Variants in BCAS1 observed in about 807,000 individuals in gnomAD.
BCAS1 encodes the protein brain enriched myelin associated protein 1.
Under a neutral mutation model 65.4 loss-of-function variants are expected in BCAS1, and 46 were observed. That is an observed-to-expected ratio of 0.70 (90% CI 0.55 to 0.90). BCAS1 has a LOEUF of 0.90. Ranked by LOEUF, BCAS1 falls within the 40% of genes least tolerant of loss-of-function variation. The probability of loss-of-function intolerance (pLI) is 0.00; values close to 1 mark genes in which losing one functional copy is unlikely to be tolerated. For missense variants in BCAS1, 793 were observed against 771.2 expected (o/e 1.03, Z -0.33); for synonymous variants, 298 against 293.5 (o/e 1.02, Z -0.16).
At chr20:54,023,628 C>CGTTTGCACAG (rs1211979226) in intron 4 of BCAS1, among the ~76,000 whole-genome samples, 2 of 152,076 alleles carry the variant, frequency 1.3e-5, no homozygotes, top group Non-Finnish European at 2.9e-5. Flanking sequence ...AGACAGATGG[C>CGTTTGCACAG]GTTTGCACAG....
At position 53,953,343 on chromosome 20, in the gene BCAS1, C is replaced by A. The variant is rs531486354; in HGVS notation, c.1815+89G>T. 10 of 1,504,264 alleles carry A rather than the reference C, an allele frequency of 6.6e-6. No homozygotes were observed. In the East Asian group the frequency reaches 1.4e-4, roughly 20 times the overall value. 93.2% of individuals were successfully genotyped at this position (1,504,264 alleles called of 1,614,324 possible). ...AGACCCGGGATCCCAGTGTGAAGAG[C>A]CACATGTAGAATTTGAAAAACTGAC... On this transcript the variant is annotated intron_variant, in intron 12 of 12. Coordinates refer to ENST00000688948, the MANE Select transcript of BCAS1 (RefSeq NM_001366298.2).
Position 54,015,344 on chromosome 20 carries a change from T to A in BCAS1, c.723+13048A>T, listed in dbSNP as rs997643453. Reference sequence around the variant, plus strand: ...ACCATGCCCAAACTCTTTTTTTTTTTAAGTTTGTTTTACTACAGTGCTCAA... The same window carrying A: ...ACCATGCCCAAACTCTTTTTTTTTTAAAGTTTGTTTTACTACAGTGCTCAA... On this transcript the variant is annotated intron_variant, in intron 4 of 12. Coordinates refer to ENST00000688948, the MANE Select transcript of BCAS1 (RefSeq NM_001366298.2). 1.9e-4 allele frequency among the ~76,000 whole-genome samples: 29 copies of A among 152,182 alleles called. No homozygotes were observed. The Middle Eastern group carries it at 0.01, about 54-fold the overall frequency.
At chr20:53,945,114 A>C in intron 12 of BCAS1, 118 bp from the exon 13 acceptor site, 203 of 873,280 alleles carry the variant, frequency 2.3e-4, no homozygotes, top group East Asian at 3.2e-4. Context: ...AATATATCTC[A>C]TTCCTCAGTG....
At chr20:53,950,128 C>A (rs1480078874) in intron 12 of BCAS1, among the ~76,000 whole-genome samples, 32 of 129,998 alleles carry the variant, frequency 2.5e-4, no homozygotes, top group Non-Finnish European at 8.3e-5. Context: ...AGGATTATGT[C>A]TGCATTCCTT....
At position 54,016,280 on chromosome 20, in the gene BCAS1, A is replaced by G. The variant is rs77070021; in HGVS notation, c.723+12112T>C. 2.9e-3 allele frequency among the ~76,000 whole-genome samples: 449 copies of G among 152,344 alleles called. 2 individuals carry two copies. The highest frequency in any genetic ancestry group is 0.01 in the African/African-American group (430 of 41,570). ...AATACTGGAAATTTTTTAAAGCCCC[A>G]TGCATAAAATATTGATCATGTTCTC... On this transcript the variant is annotated intron_variant, in intron 4 of 12. Transcript: ENST00000688948.
intron 4 of BCAS1, among the ~76,000 whole-genome samples, chr20:53,999,439 G>A (rs369201394): frequency 6.6e-5 from 10 of 152,324 alleles, no homozygotes; most frequent in South Asian, 4.1e-4. Flanking sequence ...GTTGGCAAGC[G>A]TAAGCATTAA....
chr20:54,058,145 A>G lies in BCAS1; in HGVS notation c.82T>C (p.Ser28Pro). Residue 28 changes from serine (S) to proline (P), a missense_variant, in exon 3 of 13, where the codon TCT becomes CCT. Coordinates refer to ENST00000688948, the MANE Select transcript of BCAS1 (RefSeq NM_001366298.2). ...PEAETYQDNA[S>P]ALNGVPVVVS... ...ACCACTGGAACCCCGTTCAGAGCAG[A>G]CGCGTTGTCCTGAAACAGAGCACGT... 6.2e-7 allele frequency: 1 copy of G among 1,614,092 alleles called. No individual in the cohort carries two copies. Among genetic ancestry groups the G allele is most frequent in the Non-Finnish European group, 8.5e-7 (1 of 1,179,986 alleles).
rs560878942 is a variant in BCAS1, at chr20:54,020,042, A to T, written c.723+8350T>A. Among the ~76,000 whole-genome samples, 22 of 152,348 alleles carry T rather than the reference A, an allele frequency of 1.4e-4. No homozygotes were observed. In the South Asian group the frequency reaches 4.6e-3, roughly 32 times the overall value. ...TCCTATTAGTTCTGTCCCTTTGGAG[A>T]ACCCTGACTAATACAACTAACTTTA... On this transcript the variant is annotated intron_variant, in intron 4 of 12. Coordinates refer to ENST00000688948, the MANE Select transcript of BCAS1 (RefSeq NM_001366298.2).
chr20:53,975,399 G>A lies in BCAS1; in HGVS notation c.1307C>T (p.Ala436Val), dbSNP rs377653623. 52 of 1,611,954 alleles carry A rather than the reference G, an allele frequency of 3.2e-5. No homozygotes were observed. In the African/African-American group the frequency reaches 4.0e-4, roughly 12 times the overall value. The change falls in exon 9 of 13, where the codon GCG (alanine) becomes GTG (valine). Residue 436 changes from alanine (A) to valine (V), a missense_variant. Transcript: ENST00000688948. ...SVKEDSVPTG[A>V]EENVVCESPV... ...GTGTGTGTAACTTACATTCTCCTCCGCACCTGTGGGGACTGAGTCCTCTTT... is the reference window on the plus strand; with the variant it reads ...GTGTGTGTAACTTACATTCTCCTCCACACCTGTGGGGACTGAGTCCTCTTT...
chr20:53,990,908 G>A (rs1026082895), intron 7 of BCAS1, among the ~76,000 whole-genome samples: 12 of 152,168 alleles, frequency 7.9e-5, no homozygotes, highest in African/African-American at 2.4e-4. Context: ...GGCTGTTCCC[G>A]CGGCCTCTTC....
chr20:53,995,250 T>C (rs548523092), intron 5 of BCAS1, among the ~76,000 whole-genome samples, 194 bp from the exon 6 acceptor site: 1 of 152,210 alleles, frequency 6.6e-6, no homozygotes, highest in African/African-American at 2.4e-5. Context: ...TATCTTATAA[T>C]GAGATACATC....
chr20:53,968,746 C>A (rs1328132973), intron 9 of BCAS1, among the ~76,000 whole-genome samples: 1 of 152,162 alleles, frequency 6.6e-6, no homozygotes, highest in Non-Finnish European at 1.5e-5. Context: ...ATTGACCAGA[C>A]CTAAGACCAA....
chr20:53,964,261 C>T (rs561126312), intron 10 of BCAS1, among the ~76,000 whole-genome samples: 16 of 152,186 alleles, frequency 1.1e-4, no homozygotes, highest in Admixed American at 6.5e-4. Context: ...GGGAAAGGGC[C>T]GGTAACATAA....
intron 3 of BCAS1, among the ~76,000 whole-genome samples, chr20:54,046,043 C>T (rs1470214410): frequency 6.6e-6 from 1 of 152,032 alleles, no homozygotes; most frequent in African/African-American, 2.4e-5. Flanking sequence ...ACCAAAACAA[C>T]AATAACAGAA....
chr20:54,051,294 T>G (rs184406407), intron 3 of BCAS1, among the ~76,000 whole-genome samples: 3 of 152,224 alleles, frequency 2.0e-5, no homozygotes, highest in African/African-American at 7.2e-5. Context: ...AAAGTTTGCA[T>G]GTGAACAAAA....
intron 1 of BCAS1, among the ~76,000 whole-genome samples, chr20:54,069,668 G>GT (rs2146403082): frequency 6.6e-6 from 1 of 152,322 alleles, no homozygotes; most frequent in Admixed American, 6.5e-5. Context: ...AAGTGCACAG[G>GT]TATTTACGGG....
chr20:54,032,736 G>A (rs1249081706), intron 3 of BCAS1, among the ~76,000 whole-genome samples: 1 of 151,164 alleles, frequency 6.6e-6, no homozygotes, highest in Non-Finnish European at 1.5e-5. Flanking sequence ...TATGGGCATT[G>A]CATAAGGATA....
intron 7 of BCAS1, among the ~76,000 whole-genome samples, chr20:53,986,744 A>T (rs1052582129): frequency 6.6e-6 from 1 of 152,094 alleles, no homozygotes; most frequent in East Asian, 1.9e-4. Context: ...CAAATAATAA[A>T]AAATTAGCTG....
chr20:53,986,161 G>T (rs1357034225), intron 7 of BCAS1, among the ~76,000 whole-genome samples: 1 of 152,074 alleles, frequency 6.6e-6, no homozygotes, highest in Non-Finnish European at 1.5e-5. Flanking sequence ...TATCCATTCG[G>T]TCTTTATTTC....
Sources: gnomAD v4.1 joint callset for allele counts (sites outside exome capture counted in the v4.1 genomes callset) on GRCh38, gnomAD v4.1.1 for gene constraint, MANE v1.5 for transcripts, NCBI Gene and HGNC (gene_info 2026-07-23, HGNC 2026-07-21) for gene names.